AKAP6: variants seen among roughly 807,000 people sequenced by gnomAD.
AKAP6 encodes A-kinase anchor protein 6.
A neutral mutation model predicts 188.5 loss-of-function variants in AKAP6; 58 were observed. That is an observed-to-expected ratio of 0.31 (90% confidence interval 0.25 to 0.38). The LOEUF is 0.38. AKAP6 is among the 10% of genes least tolerant of loss of function. The pLI is 1.00. For synonymous variants in AKAP6, 989 were observed against 998.6 expected (o/e 0.99, Z 0.18); for missense variants, 2,710 against 2,740.0 (o/e 0.99, Z 0.24).
chr14:32,537,813 T>C (rs924950854), intron 3 of AKAP6, among the ~76,000 whole-genome samples: 1 of 152,244 alleles, frequency 6.6e-6, no homozygotes, highest in Admixed American at 6.5e-5. Context: ...TAATTGAACT[T>C]GTATCATTCA....
chr14:32,366,428 T>G (rs1171051962), intron 1 of AKAP6, among the ~76,000 whole-genome samples: 2 of 152,198 alleles, frequency 1.3e-5, no homozygotes, highest in African/African-American at 4.8e-5. Flanking sequence ...ATAGCCTGTC[T>G]CCTACACCAC....
At chr14:32,581,496 G>C (rs1227092316) in intron 5 of AKAP6, among the ~76,000 whole-genome samples, 1 of 152,124 alleles carries the variant, frequency 6.6e-6, no homozygotes, top group East Asian at 1.9e-4. Context: ...GAGTTCTGTA[G>C]ATGTCTATTA....
chr14:32,738,018 A>G (rs2031507508), intron 11 of AKAP6, among the ~76,000 whole-genome samples: 3 of 152,152 alleles, frequency 2.0e-5, no homozygotes, highest in Non-Finnish European at 4.4e-5. Context: ...CCAACAAAGA[A>G]AGAGTCCAAA....
chr14:32,822,834 T>C lies in AKAP6; in HGVS notation c.5021T>C (p.Leu1674Ser), dbSNP rs1452831412. ...QKMSFTGQMS[L>S]DIASSINEDS... ...ATGTCCTTTACTGGCCAGATGTCAT[T>C]GGACATAGCATCTTCTATCAATGAA... Residue 1674 changes from leucine to serine, a missense_variant, in exon 13 of 14, where the codon TTG becomes TCG. By Grantham distance (145) the Leu-to-Ser change is moderately radical (BLOSUM62 -2). Coordinates refer to ENST00000280979, the MANE Select transcript of AKAP6 (RefSeq NM_004274.5). 1.2e-6 allele frequency: 2 copies of C among 1,613,996 alleles called. No individual in the cohort carries two copies. Among genetic ancestry groups the C allele is most frequent in the Non-Finnish European group, 1.7e-6 (2 of 1,179,928 alleles).
chr14:32,796,974 G>A (rs541101882), intron 12 of AKAP6, among the ~76,000 whole-genome samples: 36 of 152,238 alleles, frequency 2.4e-4, no homozygotes, highest in South Asian at 6.2e-4. Context: ...CCATTAAAAA[G>A]TGAGCAAAGG....
chr14:32,818,333 CCA>C (rs113762900), intron 12 of AKAP6, among the ~76,000 whole-genome samples: 1 of 151,312 alleles, frequency 6.6e-6, no homozygotes. Context: ...TCCTTCCCCA[CCA>C]CACACACACA....
intron 1 of AKAP6, among the ~76,000 whole-genome samples, chr14:32,345,503 T>A (rs1054623166): frequency 6.6e-6 from 1 of 152,248 alleles, no homozygotes; most frequent in Non-Finnish European, 1.5e-5. Flanking sequence ...TCAGACATGT[T>A]TGGGCATGTC....
intron 9 of AKAP6, among the ~76,000 whole-genome samples, chr14:32,724,336 G>T (rs1193214453): frequency 6.6e-6 from 1 of 152,058 alleles, no homozygotes; most frequent in Non-Finnish European, 1.5e-5. Flanking sequence ...TGTTCAACAG[G>T]TATTCAGTAA....
At chr14:32,715,454 A>G (rs7140269) in intron 9 of AKAP6, among the ~76,000 whole-genome samples, 11,804 of 152,050 alleles carry the variant, frequency 0.078, 915 homozygotes, top group East Asian at 0.37. Context: ...AGCAAAACGA[A>G]AAAACATGAA....
chr14:32,677,978 A>G (rs1268051174), intron 7 of AKAP6, among the ~76,000 whole-genome samples: 3 of 152,238 alleles, frequency 2.0e-5, no homozygotes, highest in African/African-American at 4.8e-5. Context: ...TAAGTGCTAC[A>G]TATGTGACAA....
At chr14:32,674,237 G>T (rs573654085) in intron 7 of AKAP6, among the ~76,000 whole-genome samples, 12 of 152,322 alleles carry the variant, frequency 7.9e-5, no homozygotes, top group Admixed American at 5.9e-4. Context: ...GTGGCCTAAG[G>T]TCAGCAGGAA....
chr14:32,671,362 A>G (rs1889185216), intron 7 of AKAP6, among the ~76,000 whole-genome samples: 1 of 152,302 alleles, frequency 6.6e-6, no homozygotes, highest in African/African-American at 2.4e-5. Flanking sequence ...AGAGAGAAAG[A>G]GGAGGTTTGT....
intron 2 of AKAP6, among the ~76,000 whole-genome samples, chr14:32,457,326 T>C (rs1311843826): frequency 1.3e-5 from 2 of 152,096 alleles, no homozygotes; most frequent in Non-Finnish European, 2.9e-5. Context: ...TTTAGCAGTA[T>C]CAGGTAAGGT....
intron 2 of AKAP6, among the ~76,000 whole-genome samples, chr14:32,496,434 T>G (rs1362738915): frequency 6.6e-6 from 1 of 152,174 alleles, no homozygotes; most frequent in East Asian, 1.9e-4. Context: ...GTATATTATA[T>G]GATCACATGA....
chr14:32,432,535 A>G (rs946487909), intron 1 of AKAP6, among the ~76,000 whole-genome samples: 24 of 152,268 alleles, frequency 1.6e-4, no homozygotes, highest in African/African-American at 5.5e-4. Context: ...TATTAATGTA[A>G]TTTAGATTGA....
chr14:32,523,133 C>T (rs1475833221), intron 2 of AKAP6, among the ~76,000 whole-genome samples: 1 of 147,908 alleles, frequency 6.8e-6, no homozygotes, highest in Non-Finnish European at 1.5e-5. Flanking sequence ...ACAATGAGAA[C>T]ACTTGGACAC....
chr14:32,684,033 T>C (rs12586523), intron 8 of AKAP6, among the ~76,000 whole-genome samples: 40,443 of 151,992 alleles, frequency 0.27, 6,115 homozygotes, highest in East Asian at 0.58. Context: ...TGGCATTCAC[T>C]GAGGAGGGGA....
chr14:32,584,443 G>A (rs1885136694), intron 5 of AKAP6, among the ~76,000 whole-genome samples: 1 of 152,122 alleles, frequency 6.6e-6, no homozygotes, highest in Non-Finnish European at 1.5e-5. Context: ...TATATTTTCA[G>A]ACCATGGTTA....
At chr14:32,335,482 A>G (rs1052239903) in intron 1 of AKAP6, among the ~76,000 whole-genome samples, 6 of 152,118 alleles carry the variant, frequency 3.9e-5, no homozygotes, top group African/African-American at 1.4e-4. Flanking sequence ...GCTTAGAAAA[A>G]CTAAGGGACC....
Sources: gnomAD v4.1 joint callset for allele counts (sites outside exome capture counted in the v4.1 genomes callset) on GRCh38, gnomAD v4.1.1 for gene constraint, MANE v1.5 for transcripts, NCBI Gene and HGNC (gene_info 2026-07-23, HGNC 2026-07-21) for gene names.